The following TBXAS1 variants were observed in gnomAD, a reference collection of about 807,000 sequenced individuals.
TBXAS1 encodes thromboxane-A synthase.
In TBXAS1, 48 loss-of-function variants were observed where a neutral mutation model predicts 60.7. The observed-to-expected ratio is 0.79, with a 90% CI of 0.63 to 1.01. The LOEUF (loss-of-function observed/expected upper bound fraction) is 1.01, where lower values mean the gene tolerates loss of function less well. Among genes scored for constraint, TBXAS1 ranks in the 50% least tolerant of loss-of-function variants. TBXAS1 has a pLI of 0.00. For missense variants in TBXAS1, 685 were observed against 686.3 expected (o/e 1.00, Z 0.02); for synonymous variants, 287 against 269.7 (o/e 1.06, Z -0.63).
At chr7:139,908,145 T>C (rs137860009) in intron 3 of TBXAS1, among the ~76,000 whole-genome samples, 4 of 152,042 alleles carry the variant, frequency 2.6e-5, no homozygotes, top group Admixed American at 2.6e-4. Flanking sequence ...TGTTTTCAGG[T>C]TCATAGAGTT....
At chr7:139,905,059 C>CTTTCTTTCTTTCTTTCTTTCTT (rs56752847) in intron 3 of TBXAS1, among the ~76,000 whole-genome samples, 7 of 113,916 alleles carry the variant, frequency 6.1e-5, no homozygotes, top group South Asian at 3.1e-4. Context: ...TTCTTTCTTT[C>CTTTCTTTCTTTCTTTCTTTCTT]TCTCTCTCTC....
chr7:139,939,681 T>C (rs185453410), intron 5 of TBXAS1, among the ~76,000 whole-genome samples: 2 of 152,008 alleles, frequency 1.3e-5, no homozygotes, highest in Admixed American at 6.6e-5. Context: ...GGAAGAAAGA[T>C]GGTCTTCAAA....
intron 11 of TBXAS1, 39 bp downstream of exon 11, chr7:140,015,899 G>C: frequency 6.2e-7 from 1 of 1,612,082 alleles, no homozygotes; most frequent in South Asian, 1.1e-5. Flanking sequence ...GAAGGGATGT[G>C]AGTGTGTGGG....
At chr7:139,796,463 G>A (rs1173790974) in intron 4 of TBXAS1, among the ~76,000 whole-genome samples, 1 of 152,218 alleles carries the variant, frequency 6.6e-6, no homozygotes, top group East Asian at 1.9e-4. Context: ...AGAAGACAGT[G>A]GTTTCCCAGG....
intron 1 of TBXAS1, among the ~76,000 whole-genome samples, chr7:139,844,860 G>C (rs1799695606): frequency 6.6e-6 from 1 of 152,174 alleles, no homozygotes; most frequent in Non-Finnish European, 1.5e-5. Context: ...CCTTTACAGT[G>C]TAGGGACAGA....
intron 1 of TBXAS1, among the ~76,000 whole-genome samples, chr7:139,831,661 G>A (rs1172773536): frequency 6.6e-6 from 1 of 152,236 alleles, no homozygotes; most frequent in African/African-American, 2.4e-5. Flanking sequence ...GCTGGGCGCG[G>A]TGGCTCATGC....
chr7:139,989,363 G>A (rs1569523150), intron 9 of TBXAS1, among the ~76,000 whole-genome samples: 1 of 152,224 alleles, frequency 6.6e-6, no homozygotes, highest in African/African-American at 2.4e-5. Context: ...TGGGCCCAGT[G>A]CCAGACAGCT....
intron 8 of TBXAS1, among the ~76,000 whole-genome samples, chr7:139,958,784 T>G (rs1363601093): frequency 6.6e-6 from 1 of 152,164 alleles, no homozygotes; most frequent in South Asian, 2.1e-4. Context: ...TGCAGCCCCC[T>G]CGGCCCACAC....
chr7:139,888,707 T>A (rs1335213413), intron 3 of TBXAS1, among the ~76,000 whole-genome samples: 1 of 152,040 alleles, frequency 6.6e-6, no homozygotes, highest in Non-Finnish European at 1.5e-5. Context: ...CAGGCACATA[T>A]GCATGGGAGA....
chr7:139,828,752 C>A (rs1798520246), upstream of TBXAS1, among the ~76,000 whole-genome samples: 1 of 152,172 alleles, frequency 6.6e-6, no homozygotes, highest in African/African-American at 2.4e-5. Flanking sequence ...AGAACACTGA[C>A]CCCAATCGGG....
chr7:139,929,808 C>T (rs1279269074), intron 4 of TBXAS1, among the ~76,000 whole-genome samples: 1 of 152,174 alleles, frequency 6.6e-6, no homozygotes, highest in Admixed American at 6.5e-5. Flanking sequence ...AGCTCCCTGG[C>T]CTGAGCCTCC....
intron 3 of TBXAS1, among the ~76,000 whole-genome samples, chr7:139,891,756 G>T (rs1414770593): frequency 6.6e-6 from 1 of 152,166 alleles, no homozygotes; most frequent in Non-Finnish European, 1.5e-5. Context: ...GTGAACAGAA[G>T]AATCATCTCT....
chr7:139,943,563 C>T (rs1464429000), intron 5 of TBXAS1, among the ~76,000 whole-genome samples: 3 of 152,222 alleles, frequency 2.0e-5, no homozygotes, highest in Admixed American at 1.3e-4. Context: ...CTAAATGTGC[C>T]TCACAGCTTG....
chr7:139,856,377 G>A (rs550161771), intron 1 of TBXAS1, among the ~76,000 whole-genome samples: 5 of 152,272 alleles, frequency 3.3e-5, no homozygotes, highest in Middle Eastern at 3.4e-3. Flanking sequence ...CTGACTTGGC[G>A]TTCTCATGGG....
At chr7:139,854,446 G>A (rs1055316321) in intron 1 of TBXAS1, among the ~76,000 whole-genome samples, 3 of 152,136 alleles carry the variant, frequency 2.0e-5, no homozygotes, top group Non-Finnish European at 2.9e-5. Flanking sequence ...TCTGAGCAGG[G>A]CTGCAACATG....
In TBXAS1 at chr7:139,961,832, A is replaced by G; in HGVS notation, c.820-87A>G. The G allele has an allele frequency of 4.6e-6, 7 of 1,520,024 alleles. 1 individual carries two copies. In the South Asian group the frequency reaches 8.1e-5, roughly 18 times the overall value. The allele number at this position is 1,520,024 out of a possible 1,614,324, so 94.2% of individuals were successfully genotyped here. ...ACTGAGCTCTTCAAAAGCTATGCCC[A>G]TGTATCTTCCTCCTTTGTTCTCCAG... On this transcript the variant is annotated intron_variant, in intron 8 of 12. Coordinates refer to ENST00000448866, the MANE Select transcript of TBXAS1 (RefSeq NM_001061.7).
intron 8 of TBXAS1, among the ~76,000 whole-genome samples, chr7:139,959,995 G>A (rs1422577962): frequency 6.6e-6 from 1 of 152,190 alleles, no homozygotes; most frequent in African/African-American, 2.4e-5. Context: ...AGGAAGCTGG[G>A]GAAAGCCAGC....
intron 10 of TBXAS1, among the ~76,000 whole-genome samples, chr7:140,008,881 C>A (rs988912998): frequency 6.6e-6 from 1 of 152,182 alleles, no homozygotes; most frequent in Non-Finnish European, 1.5e-5. Context: ...GGAAAGAAGG[C>A]CTTACAGGGC....
In TBXAS1 at chr7:139,936,173, C is replaced by T. The variant is rs770277943; in HGVS notation, c.334-18C>T. On this transcript the variant is annotated intron_variant, in intron 4 of 12. Coordinates refer to ENST00000448866, the MANE Select transcript of TBXAS1 (RefSeq NM_001061.7). ...TGGCTCCCTGAGTCCTGACCCTCTG[C>T]TTGTTACTTCCCAACAGGCGTCGGG... 4.1e-5 allele frequency: 66 copies of T among 1,613,714 alleles called. No homozygotes were observed. Among genetic ancestry groups the T allele is most frequent in the Non-Finnish European group, 5.4e-5 (64 of 1,179,836 alleles).
Sources: gnomAD v4.1 joint callset for allele counts (sites outside exome capture counted in the v4.1 genomes callset) on GRCh38, gnomAD v4.1.1 for gene constraint, MANE v1.5 for transcripts, NCBI Gene and HGNC (gene_info 2026-07-23, HGNC 2026-07-21) for gene names.